Variants in PRDM5 observed in about 807,000 individuals in gnomAD.
The protein encoded by PRDM5 is PR/SET domain 5.
In PRDM5, 56 loss-of-function variants were observed where a neutral mutation model predicts 81.2. The ratio of observed to expected loss-of-function variants is 0.69; its 90% CI spans 0.56 to 0.86. The LOEUF (loss-of-function observed/expected upper bound fraction) is 0.86, where lower values mean the gene tolerates loss of function less well. Ranked by LOEUF, PRDM5 falls within the 40% of genes least tolerant of loss-of-function variation. PRDM5 has a pLI of 0.00. For missense variants in PRDM5, 697 were observed against 770.1 expected (o/e 0.91, Z 1.12); for synonymous variants, 267 against 256.4 (o/e 1.04, Z -0.39).
intron 15 of PRDM5, among the ~76,000 whole-genome samples, chr4:120,697,044 T>C (rs1734605003): frequency 6.6e-6 from 1 of 152,158 alleles, no homozygotes; most frequent in Admixed American, 6.6e-5. Context: ...CAGCATAGCA[T>C]ATGATGACAG....
At chr4:120,786,638 C>A (rs970868680) in intron 10 of PRDM5, among the ~76,000 whole-genome samples, 1 of 152,054 alleles carries the variant, frequency 6.6e-6, no homozygotes, top group Admixed American at 6.6e-5. Context: ...TTTAAATGTA[C>A]TAGAAGAAAA....
rs1364216986 is a variant in PRDM5, at chr4:120,697,498, G to A, written c.1729-2223C>T. Among the ~76,000 whole-genome samples the A allele has an allele frequency of 2.0e-5, 3 of 151,718 alleles. No homozygotes were observed. The East Asian group carries it at 5.8e-4, about 29-fold the overall frequency. The stretch of plus-strand genomic sequence containing the variant: ...TAATCAGATTTAGAAATATTTTTCA[G>A]CTGTTAAAAATATTAATCTTTTTTT... On this transcript the variant is annotated intron_variant, in intron 15 of 15. Transcript: ENST00000264808.
intron 14 of PRDM5, among the ~76,000 whole-genome samples, chr4:120,728,564 T>C (rs1178804021): frequency 1.3e-5 from 2 of 152,206 alleles, no homozygotes; most frequent in Admixed American, 1.3e-4. Flanking sequence ...TTTAGGTGAA[T>C]GTTTGCTTTC....
intron 2 of PRDM5, among the ~76,000 whole-genome samples, chr4:120,891,391 T>G (rs567081753): frequency 1.3e-5 from 2 of 152,292 alleles, no homozygotes; most frequent in South Asian, 4.1e-4. Context: ...TCCTTTGTCA[T>G]TTCTGATTGT....
In PRDM5 at chr4:120,695,293, A is replaced by T; in HGVS notation, c.1729-18T>A. ...TCACAAACCTAGAAAAGACCCAAAG[A>T]CCAACCATATTATACTGAAATAAAC... On this transcript the variant is annotated intron_variant, in intron 15 of 15. Transcript: ENST00000264808. The T allele has an allele frequency of 6.2e-7, 1 of 1,612,936 alleles. No homozygotes were observed. Among genetic ancestry groups the T allele is most frequent in the Non-Finnish European group, 8.5e-7 (1 of 1,179,336 alleles).
rs371110532 is a variant in PRDM5 at position 120,802,458 on chromosome 4, A to G, written c.946-2713T>C. Among the ~76,000 whole-genome samples the G allele has an allele frequency of 7.6e-4, 116 of 152,356 alleles. 2 individuals carry two copies. Among genetic ancestry groups the G allele is most frequent in the African/African-American group, 2.7e-3 (111 of 41,598 alleles). ...TAGCCTAACTGGGAGGCATCCGCCA[A>G]TAGGGGCAGACTGACACCCCACATG... On this transcript the variant is annotated intron_variant, in intron 8 of 15. Coordinates refer to ENST00000264808, the MANE Select transcript of PRDM5 (RefSeq NM_018699.4).
At chr4:120,809,037 G>C (rs528283635) in intron 8 of PRDM5, among the ~76,000 whole-genome samples, 3 of 152,234 alleles carry the variant, frequency 2.0e-5, no homozygotes, top group African/African-American at 7.2e-5. Flanking sequence ...GGGCTGAAAG[G>C]CTCCTCAAGC....
chr4:120,775,568 T>C (rs1487462740), intron 13 of PRDM5, among the ~76,000 whole-genome samples: 1 of 152,138 alleles, frequency 6.6e-6, no homozygotes, highest in African/African-American at 2.4e-5. Flanking sequence ...AAACACACTA[T>C]ACCAAACATA....
intron 3 of PRDM5, among the ~76,000 whole-genome samples, chr4:120,830,527 T>C (rs531793395): frequency 4.9e-4 from 74 of 152,196 alleles, no homozygotes; most frequent in Non-Finnish European, 8.7e-4. Flanking sequence ...GGGTTGTTCG[T>C]TGGAGCGGTC....
At chr4:120,726,916 T>C (rs185822616) in intron 14 of PRDM5, among the ~76,000 whole-genome samples, 280 of 152,318 alleles carry the variant, frequency 1.8e-3, no homozygotes, top group African/African-American at 6.4e-3. Flanking sequence ...ACTCAACTCA[T>C]GCTCTGCCAG....
intron 8 of PRDM5, among the ~76,000 whole-genome samples, chr4:120,809,332 T>G (rs549028459): frequency 1.3e-5 from 2 of 152,094 alleles, no homozygotes; most frequent in East Asian, 3.9e-4. Flanking sequence ...ACATGGCCCA[T>G]GTATACCTAT....
At chr4:120,689,840 C>T (rs1225388750), downstream of PRDM5, among the ~76,000 whole-genome samples, 3 of 152,034 alleles carry the variant, frequency 2.0e-5, no homozygotes, top group Admixed American at 2.0e-4. Flanking sequence ...TTGTCGAACT[C>T]CTGGGCTCAA....
chr4:120,734,670 C>T (rs1226894341), intron 14 of PRDM5, among the ~76,000 whole-genome samples: 1 of 152,204 alleles, frequency 6.6e-6, no homozygotes, highest in African/African-American at 2.4e-5. Context: ...CCTTCAGCCT[C>T]TTTGGCTGCT....
intron 8 of PRDM5, among the ~76,000 whole-genome samples, chr4:120,808,723 C>A (rs1046499919): frequency 2.0e-5 from 3 of 152,194 alleles, no homozygotes; most frequent in African/African-American, 7.2e-5. Context: ...GAGGCTCAGG[C>A]ACGGTGGGCT....
intron 8 of PRDM5, among the ~76,000 whole-genome samples, chr4:120,805,378 G>C (rs1752764684): frequency 6.6e-6 from 1 of 152,128 alleles, no homozygotes; most frequent in Non-Finnish European, 1.5e-5. Context: ...TGATACGAAA[G>C]CCTGGCAGAG....
intron 12 of PRDM5, among the ~76,000 whole-genome samples, chr4:120,778,852 T>C (rs754153021): frequency 3.3e-5 from 5 of 152,134 alleles, no homozygotes; most frequent in African/African-American, 1.2e-4. Flanking sequence ...CAGGTCCACA[T>C]TATGGTTCAA....
intron 3 of PRDM5, among the ~76,000 whole-genome samples, chr4:120,852,968 T>C (rs1343041184): frequency 6.6e-6 from 1 of 151,918 alleles, no homozygotes; most frequent in African/African-American, 2.4e-5. Flanking sequence ...CCTGTTTCTC[T>C]GGGAAACCCT....
chr4:120,705,747 C>T (rs1199612640), intron 15 of PRDM5, among the ~76,000 whole-genome samples: 1 of 152,124 alleles, frequency 6.6e-6, no homozygotes, highest in African/African-American at 2.4e-5. Context: ...TAATCTGACT[C>T]AGGTTCTACA....
At chr4:120,867,086 T>C (rs1254826126) in intron 2 of PRDM5, among the ~76,000 whole-genome samples, 11 of 152,120 alleles carry the variant, frequency 7.2e-5, no homozygotes, top group Non-Finnish European at 1.5e-5. Flanking sequence ...AATAAGGACC[T>C]AAGTCCTACA....
Sources: allele counts gnomAD v4.1 joint callset (sites outside exome capture counted in the v4.1 genomes callset), GRCh38; gene constraint gnomAD v4.1.1; transcripts MANE v1.5; gene names NCBI Gene and HGNC (gene_info 2026-07-23, HGNC 2026-07-21).